The following MRPS6 variants were observed in gnomAD, a reference collection of about 807,000 sequenced individuals.
MRPS6 encodes small ribosomal subunit protein bS6m.
A neutral mutation model predicts 13.1 loss-of-function variants in MRPS6; 6 were observed. The observed-to-expected ratio is 0.46, with a 90% CI of 0.25 to 0.91. The LOEUF (loss-of-function observed/expected upper bound fraction) is 0.91, where lower values mean the gene tolerates loss of function less well. Among genes scored for constraint, MRPS6 ranks in the 40% least tolerant of loss-of-function variants. The pLI, the probability that MRPS6 is intolerant of heterozygous loss-of-function variation, is 0.18. For missense variants in MRPS6, 164 were observed against 155.6 expected, an observed-to-expected ratio of 1.05 and a Z score of -0.29; for synonymous variants, 61 against 56.5, an observed-to-expected ratio of 1.08 and a Z score of -0.36.
chr21:34,113,916 G>A (rs142312364), intron 1 of MRPS6, among the ~76,000 whole-genome samples: 118 of 152,268 alleles, frequency 7.7e-4, no homozygotes, highest in African/African-American at 2.7e-3. Flanking sequence ...CTTCTACCCT[G>A]TGAAGAGGTT....
Position 34,142,730 on chromosome 21 carries a change from T to C in MRPS6, c.*130T>C. On this transcript the variant is annotated 3_prime_UTR_variant, in exon 3 of 3. Coordinates refer to ENST00000399312, the MANE Select transcript of MRPS6 (RefSeq NM_032476.4). Reference sequence around the variant, plus strand: ...CAGGTGCTGTTTGATTTTTCTAAGGTATTTTTAGCCCTTGATCCCCTTTGC... The same window carrying C: ...CAGGTGCTGTTTGATTTTTCTAAGGCATTTTTAGCCCTTGATCCCCTTTGC... 1.7e-6 allele frequency: 2 copies of C among 1,153,148 alleles called. No individual in the cohort carries two copies. The highest frequency in any genetic ancestry group is 2.3e-6 in the Non-Finnish European group (2 of 868,094). 71.4% of individuals were successfully genotyped at this position (1,153,148 alleles called of 1,614,324 possible).
In MRPS6 at chr21:34,116,177, T is replaced by TG. The variant is rs1404642025; in HGVS notation, c.46-9164_46-9163insG. On this transcript the variant is annotated intron_variant, in intron 1 of 2. Coordinates refer to ENST00000399312, the MANE Select transcript of MRPS6 (RefSeq NM_032476.4). ...GTGTGTCCCACCATGCCCAGCTAAT[T>TG]TTGTGTGTGTGTGTGTGTGTGTGTG... 9.1e-3 allele frequency among the ~76,000 whole-genome samples: 1,086 copies of TG among 119,276 alleles called. 17 individuals carry two copies. The highest frequency in any genetic ancestry group is 0.034 in the African/African-American group (1,030 of 30,142). The allele number at this position is 119,276 out of a possible 152,430, so 78.2% of individuals were successfully genotyped here.
chr21:34,103,147 G>A, intron 1 of MRPS6: 2 of 999,940 alleles, frequency 2.0e-6, no homozygotes, highest in Non-Finnish European at 2.4e-6. Context: ...ACTGGCAAAG[G>A]CCAGTATATA....
intron 1 of MRPS6, chr21:34,104,494 CTT>C (rs1979390687): frequency 2.0e-6 from 2 of 996,590 alleles, no homozygotes; most frequent in Non-Finnish European, 2.4e-6. Flanking sequence ...TGTTCCTACT[CTT>C]TTATATAATT....
intron 1 of MRPS6, among the ~76,000 whole-genome samples, chr21:34,075,721 T>C (rs1989314419): frequency 6.6e-6 from 1 of 152,214 alleles, no homozygotes; most frequent in South Asian, 2.1e-4. Context: ...AGCTTCTCAG[T>C]TATTTGTTCA....
At chr21:34,119,525 C>T (rs948709729) in intron 1 of MRPS6, among the ~76,000 whole-genome samples, 2 of 152,208 alleles carry the variant, frequency 1.3e-5, no homozygotes, top group African/African-American at 4.8e-5. Flanking sequence ...TGTCTTGGCT[C>T]TACCTTCCCT....
At chr21:34,095,862 C>A (rs1349373694) in intron 1 of MRPS6, 1 of 1,614,062 alleles carries the variant, frequency 6.2e-7, no homozygotes, top group East Asian at 2.2e-5. Context: ...GTTGGCCTCA[C>A]CCGATGTCAC....
In MRPS6 at chr21:34,142,408, G is replaced by A. The variant is rs1289338409; in HGVS notation, c.186G>A (p.Gly62=). The A allele has an allele frequency of 6.4e-7, 1 of 1,564,402 alleles. No homozygotes were observed. Among genetic ancestry groups the A allele is most frequent in the Non-Finnish European group, 8.6e-7 (1 of 1,157,948 alleles). ...SAHSQQHNRG[G]YFLVDFYAPT... ...CTCACAAGTTTTTATTTTATTGCAG[G>A]TATTTCTTGGTGGATTTTTATGCAC... The change falls in exon 3 of 3, where the codon GGG becomes GGA. Residue 62 remains glycine (G), a splice_region_variant and synonymous_variant. Transcript: ENST00000399312.
chr21:34,083,553 G>C lies in MRPS6; in HGVS notation c.45+9808G>C, dbSNP rs570679367. Among the ~76,000 whole-genome samples, 3 of 152,322 alleles carry C rather than the reference G, an allele frequency of 2.0e-5. No homozygotes were observed. The South Asian group carries it at 6.2e-4, about 32-fold the overall frequency. On this transcript the variant is annotated intron_variant, in intron 1 of 2. Coordinates refer to ENST00000399312, the MANE Select transcript of MRPS6 (RefSeq NM_032476.4). Reference sequence around the variant, plus strand: ...TTTTTTAACTGCTTGACACTGTTAAGTAAGCAAATGACCCAGTCATGGGTT... The same window carrying C: ...TTTTTTAACTGCTTGACACTGTTAACTAAGCAAATGACCCAGTCATGGGTT...
chr21:34,111,953 G>A (rs1383250025), intron 1 of MRPS6, among the ~76,000 whole-genome samples: 2 of 151,850 alleles, frequency 1.3e-5, no homozygotes, highest in South Asian at 2.1e-4. Context: ...TGGATGCACT[G>A]TTAAGTGTTT....
intron 1 of MRPS6, among the ~76,000 whole-genome samples, chr21:34,120,604 A>G (rs1417536731): frequency 6.6e-6 from 1 of 152,176 alleles, no homozygotes; most frequent in African/African-American, 2.4e-5. Context: ...TACCTTTTTT[A>G]TAAGTATTAT....
intron 2 of MRPS6, among the ~76,000 whole-genome samples, chr21:34,139,303 T>G (rs906272812): frequency 6.6e-6 from 1 of 151,642 alleles, no homozygotes; most frequent in African/African-American, 2.4e-5. Context: ...AACCTGCACA[T>G]TGTGCACATG....
chr21:34,092,044 T>C (rs1978723295), intron 1 of MRPS6, among the ~76,000 whole-genome samples: 1 of 152,130 alleles, frequency 6.6e-6, no homozygotes, highest in African/African-American at 2.4e-5. Context: ...CCATGTGTAT[T>C]CTTATAAAAA....
At chr21:34,101,326 T>C in intron 1 of MRPS6, 1 of 1,000,248 alleles carries the variant, frequency 1.0e-6, no homozygotes, top group East Asian at 1.1e-4. Context: ...GTTTCAGCTT[T>C]TTAAACCCTG....
At chr21:34,133,039 A>G (rs1454064758) in intron 2 of MRPS6, among the ~76,000 whole-genome samples, 1 of 151,986 alleles carries the variant, frequency 6.6e-6, no homozygotes, top group Non-Finnish European at 1.5e-5. Context: ...GGGCTGCTGG[A>G]CCCCAACCAA....
rs548582888 is a variant in MRPS6 at position 34,076,871 on chromosome 21, A to G, written c.45+3126A>G. Among the ~76,000 whole-genome samples, 5 of 152,364 alleles carry G rather than the reference A, an allele frequency of 3.3e-5. No homozygotes were observed. In the East Asian group the frequency reaches 7.7e-4, roughly 23 times the overall value. On this transcript the variant is annotated intron_variant, in intron 1 of 2. Transcript: ENST00000399312. ...GTTACACCCATATCAGATAGCATCA[A>G]GAGAGTTTTATTCACTTCTGGAAAA...
At chr21:34,135,320 T>C (rs1980651690) in intron 2 of MRPS6, 1 of 249,896 alleles carries the variant, frequency 4.0e-6, no homozygotes, top group Admixed American at 4.8e-5. Context: ...AGTGCCAAAC[T>C]ATACCAGCAA....
chr21:34,087,863 A>C (rs923685056), intron 1 of MRPS6, among the ~76,000 whole-genome samples: 2 of 152,246 alleles, frequency 1.3e-5, no homozygotes, highest in African/African-American at 4.8e-5. Flanking sequence ...GATTCTGGAT[A>C]TATTTTAAGT....
chr21:34,093,898 T>C (rs958946173), intron 1 of MRPS6, among the ~76,000 whole-genome samples: 5 of 152,284 alleles, frequency 3.3e-5, no homozygotes, highest in African/African-American at 1.2e-4. Flanking sequence ...AATGTCTGTT[T>C]TGTTGAGGTT....
Sources: allele counts gnomAD v4.1 joint callset (sites outside exome capture counted in the v4.1 genomes callset), GRCh38; gene constraint gnomAD v4.1.1; transcripts MANE v1.5; gene names NCBI Gene and HGNC (gene_info 2026-07-23, HGNC 2026-07-21).